Variants in STK31 observed in about 807,000 individuals in gnomAD.
The protein encoded by STK31 is serine/threonine kinase 31.
A neutral mutation model predicts 129.7 loss-of-function variants in STK31; 89 were observed. The observed-to-expected ratio is 0.69, with a 90% CI of 0.58 to 0.82. The LOEUF (loss-of-function observed/expected upper bound fraction) is 0.82. STK31 is among the 40% of genes least tolerant of loss of function. The pLI is 0.00. For missense variants in STK31, 1,187 were observed against 1,176.4 expected, an observed-to-expected ratio of 1.01 and a Z score of -0.13; for synonymous variants, 448 against 395.3, an observed-to-expected ratio of 1.13 and a Z score of -1.58.
intron 3 of STK31, among the ~76,000 whole-genome samples, chr7:23,717,053 C>T (rs1351497803): frequency 1.4e-5 from 2 of 144,584 alleles, no homozygotes; most frequent in Non-Finnish European, 3.0e-5. Context: ...CCCACCTCGG[C>T]CCTCCAAAGT....
chr7:23,752,739 A>T lies in STK31; in HGVS notation c.1040A>T (p.Asp347Val). 6.2e-7 allele frequency: 1 copy of T among 1,613,580 alleles called. No homozygotes were observed. The highest frequency in any genetic ancestry group is 8.5e-7 in the Non-Finnish European group (1 of 1,179,678). ...ELQQEKAAAV[D>V]LTNHLEYTLK... ...CAGCAAGAGAAGGCAGCTGCTGTGG[A>T]TTTGACTAACCACTTAGAATACACT... Residue 347 changes from aspartate to valine, a missense_variant, in exon 9 of 24, where the codon GAT becomes GTT. By Grantham distance (152) the Asp-to-Val change is radical. This residue lies in a region of STK31 where 975 missense variants were observed against 934.9 expected (regional missense o/e 1.04). Coordinates refer to ENST00000355870, the MANE Select transcript of STK31 (RefSeq NM_031414.5).
intron 13 of STK31, among the ~76,000 whole-genome samples, chr7:23,770,671 T>C (rs970470090): frequency 6.6e-5 from 10 of 152,010 alleles, no homozygotes; most frequent in Non-Finnish European, 1.3e-4. Flanking sequence ...CTGGAGTGCA[T>C]TGATGTGATC....
chr7:23,831,920 A>T (rs574132331), intron 23 of STK31, among the ~76,000 whole-genome samples: 1 of 152,230 alleles, frequency 6.6e-6, no homozygotes, highest in Non-Finnish European at 1.5e-5. Context: ...TACAGGCATA[A>T]GCCACTGTGC....
Position 23,769,661 on chromosome 7 carries a change from G to A in STK31, c.1618G>A (p.Gly540Arg). 3.7e-6 allele frequency: 6 copies of A among 1,610,402 alleles called. No individual in the cohort carries two copies. Among genetic ancestry groups the A allele is most frequent in the Non-Finnish European group, 5.1e-6 (6 of 1,177,964 alleles). The change falls in exon 13 of 24, where the codon GGA (glycine) becomes AGA (arginine). Residue 540 changes from glycine (G) to arginine (R), a missense_variant. Physicochemically the swap from Gly to Arg is moderately radical, Grantham distance 125 (BLOSUM62 -2). Coordinates refer to ENST00000355870, the MANE Select transcript of STK31 (RefSeq NM_031414.5). ...TLKVFDLSVE[G>R]SLISEDAMDN... ...TGAGGTTTTTGACCTATCTGTGGAAGGATCACTGATTTCAGAAGACGCAAT... is the reference window on the plus strand; with the variant it reads ...TGAGGTTTTTGACCTATCTGTGGAAAGATCACTGATTTCAGAAGACGCAAT...
intron 15 of STK31, 52 bp downstream of exon 15, chr7:23,772,330 G>A (rs1470575124): frequency 1.3e-6 from 2 of 1,549,602 alleles, no homozygotes; most frequent in Non-Finnish European, 1.7e-6. Flanking sequence ...CATTTTACTT[G>A]GTCTCTGCTT....
At chr7:23,831,250 A>T (rs988929691) in intron 23 of STK31, among the ~76,000 whole-genome samples, 1 of 152,074 alleles carries the variant, frequency 6.6e-6, no homozygotes, top group Non-Finnish European at 1.5e-5. Context: ...CTCCCTTTAG[A>T]TCTAATAATA....
intron 9 of STK31, among the ~76,000 whole-genome samples, chr7:23,753,314 C>A (rs896738331): frequency 1.3e-5 from 2 of 152,144 alleles, no homozygotes; most frequent in African/African-American, 4.8e-5. Context: ...CCTCTCACAT[C>A]CCACTTAGGT....
chr7:23,791,528 C>T (rs1791617003), intron 22 of STK31, among the ~76,000 whole-genome samples: 1 of 152,234 alleles, frequency 6.6e-6, no homozygotes, highest in Admixed American at 6.5e-5. Flanking sequence ...GGCTGATTAC[C>T]TGGGTGACAA....
At chr7:23,796,446 T>C (rs557377594) in intron 22 of STK31, among the ~76,000 whole-genome samples, 3 of 152,324 alleles carry the variant, frequency 2.0e-5, no homozygotes, top group Admixed American at 2.0e-4. Context: ...TAAATGATAG[T>C]AAAAAGCTCC....
At chr7:23,774,312 G>T (rs1182306437) in intron 15 of STK31, among the ~76,000 whole-genome samples, 1 of 152,162 alleles carries the variant, frequency 6.6e-6, no homozygotes, top group African/African-American at 2.4e-5. Flanking sequence ...TGGGATGGCT[G>T]GGTCAAATGG....
At chr7:23,784,446 T>A (rs1791136672) in intron 17 of STK31, among the ~76,000 whole-genome samples, 1 of 152,192 alleles carries the variant, frequency 6.6e-6, no homozygotes, top group African/African-American at 2.4e-5. Context: ...TTCTTGCAAC[T>A]ATTTAGCTTA....
rs540363062 is a variant in STK31 at position 23,811,241 on chromosome 7, A to G, written c.2761-3903A>G. ...CAGAGCAACTGTGCCATCTAGATTG[A>G]TGTTTTCACCAGTAAAGGACTGGTA... On this transcript the variant is annotated intron_variant, in intron 22 of 23. Transcript: ENST00000355870. The G allele has an allele frequency of 1.2e-5, 4 of 328,662 alleles. No individual in the cohort carries two copies. The East Asian group carries it at 3.3e-4, about 27-fold the overall frequency. 20.4% of individuals were successfully genotyped at this position (328,662 alleles called of 1,614,324 possible).
intron 15 of STK31, 45 bp from the exon 16 acceptor site, chr7:23,781,374 G>C (rs1433622931): frequency 7.0e-7 from 1 of 1,421,186 alleles, no homozygotes. Flanking sequence ...AAGAAGACTT[G>C]TTTTCTCTAT....
intron 23 of STK31, among the ~76,000 whole-genome samples, chr7:23,815,473 A>G (rs1202804054): frequency 6.6e-6 from 1 of 152,118 alleles, no homozygotes; most frequent in Admixed American, 6.5e-5. Flanking sequence ...GTGTTTCAAG[A>G]TCATATTATA....
chr7:23,717,383 C>A, intron 3 of STK31, 98 bp from the exon 4 acceptor site: 3 of 671,926 alleles, frequency 4.5e-6, no homozygotes, highest in Non-Finnish European at 6.9e-6. Context: ...TTTCTAATGG[C>A]CTAAAATCTT....
At chr7:23,799,341 T>C (rs1188874545) in intron 22 of STK31, among the ~76,000 whole-genome samples, 1 of 152,148 alleles carries the variant, frequency 6.6e-6, no homozygotes, top group African/African-American at 2.4e-5. Context: ...CTTCAAACTA[T>C]AGTACAAGGC....
At chr7:23,727,078 A>G (rs867309149) in intron 4 of STK31, among the ~76,000 whole-genome samples, 163 bp from the exon 5 acceptor site, 84 of 152,326 alleles carry the variant, frequency 5.5e-4, no homozygotes, top group African/African-American at 2.0e-3. Context: ...TTGGATACAT[A>G]GTGGCATAAA....
chr7:23,768,909 C>A, intron 11 of STK31, 86 bp from the exon 12 acceptor site: 1 of 1,125,692 alleles, frequency 8.9e-7, no homozygotes, highest in Non-Finnish European at 1.2e-6. Flanking sequence ...CAGCATACTG[C>A]TTTTCTACCC....
At chr7:23,748,379 G>T (rs1267883632) in intron 8 of STK31, among the ~76,000 whole-genome samples, 2 of 152,064 alleles carry the variant, frequency 1.3e-5, no homozygotes, top group Admixed American at 6.6e-5. Flanking sequence ...GGCGTATTTT[G>T]GTGAATCTTC....
Sources: allele counts gnomAD v4.1 joint callset (sites outside exome capture counted in the v4.1 genomes callset), GRCh38; gene constraint gnomAD v4.1.1; regional missense constraint gnomAD v4.1.1; transcripts MANE v1.5; gene names NCBI Gene and HGNC (gene_info 2026-07-23, HGNC 2026-07-21).